The following ARHGAP10 variants were observed in gnomAD, a reference collection of about 807,000 sequenced individuals.
ARHGAP10 encodes the protein Rho GTPase activating protein 10.
In ARHGAP10, 87 loss-of-function variants were observed where a neutral mutation model predicts 108.6. That is an observed-to-expected ratio of 0.80 (90% CI 0.67 to 0.96). ARHGAP10 has a LOEUF of 0.96. Ranked by LOEUF, ARHGAP10 falls within the 40% of genes least tolerant of loss-of-function variation. ARHGAP10 has a pLI of 0.00. For missense variants in ARHGAP10, 939 were observed against 954.5 expected (o/e 0.98, Z 0.21); for synonymous variants, 347 against 341.1 (o/e 1.02, Z -0.19).
chr4:147,925,755 T>C (rs1737438055), intron 13 of ARHGAP10, among the ~76,000 whole-genome samples: 1 of 152,220 alleles, frequency 6.6e-6, no homozygotes, highest in South Asian at 2.1e-4. Flanking sequence ...ACAAGACTCC[T>C]GGATCTTTGA....
chr4:148,068,905 G>C (rs897529564), intron 22 of ARHGAP10, among the ~76,000 whole-genome samples: 1 of 152,168 alleles, frequency 6.6e-6, no homozygotes, highest in Non-Finnish European at 1.5e-5. Context: ...CCTCACACCC[G>C]TCTTGTTCCC....
intron 20 of ARHGAP10, among the ~76,000 whole-genome samples, chr4:148,060,540 G>A (rs569743639): frequency 1.3e-5 from 2 of 152,208 alleles, no homozygotes; most frequent in Admixed American, 6.5e-5. Flanking sequence ...CTCTATCCAA[G>A]CAGCTACTGT....
At chr4:147,758,477 C>T (rs1729466931) in intron 1 of ARHGAP10, among the ~76,000 whole-genome samples, 1 of 152,000 alleles carries the variant, frequency 6.6e-6, no homozygotes, top group Non-Finnish European at 1.5e-5. Flanking sequence ...TATTCATCAC[C>T]CCAGAAAGAA....
At chr4:147,948,695 G>A (rs886447085) in intron 15 of ARHGAP10, among the ~76,000 whole-genome samples, 1 of 151,904 alleles carries the variant, frequency 6.6e-6, no homozygotes. Context: ...GGTGGCTCAC[G>A]CCTGTAATCT....
intron 1 of ARHGAP10, among the ~76,000 whole-genome samples, chr4:147,737,307 T>A (rs1225837938): frequency 6.6e-6 from 1 of 151,092 alleles, no homozygotes; most frequent in Non-Finnish European, 1.5e-5. Context: ...CGCGCCACCA[T>A]GCCCAGCTAA....
intron 18 of ARHGAP10, among the ~76,000 whole-genome samples, chr4:147,989,943 A>T (rs1282227755): frequency 1.3e-5 from 2 of 152,244 alleles, no homozygotes; most frequent in African/African-American, 4.8e-5. Context: ...ATAAGAAATT[A>T]CAAAAGTATT....
chr4:147,900,085 C>G (rs1736174982), intron 10 of ARHGAP10, among the ~76,000 whole-genome samples: 1 of 152,130 alleles, frequency 6.6e-6, no homozygotes, highest in Admixed American at 6.6e-5. Flanking sequence ...TAATCTGTCA[C>G]TTAAAACACA....
intron 4 of ARHGAP10, among the ~76,000 whole-genome samples, chr4:147,848,090 A>AT (rs1733708210): frequency 2.5e-5 from 1 of 39,864 alleles, no homozygotes; most frequent in South Asian, 1.2e-3. Flanking sequence ...TGGGGATGTG[A>AT]GTTTTTTTTT....
chr4:147,972,848 G>A (rs1322287889), intron 18 of ARHGAP10, among the ~76,000 whole-genome samples: 2 of 151,890 alleles, frequency 1.3e-5, no homozygotes, highest in South Asian at 4.2e-4. Context: ...TCTGCCTACC[G>A]GGTCCAAGTG....
intron 1 of ARHGAP10, among the ~76,000 whole-genome samples, chr4:147,741,022 T>G (rs1293126939): frequency 6.6e-6 from 1 of 152,220 alleles, no homozygotes; most frequent in Admixed American, 6.5e-5. Flanking sequence ...ATCCTATACT[T>G]TTTTCCCTCT....
intron 20 of ARHGAP10, among the ~76,000 whole-genome samples, chr4:148,051,201 C>G (rs1729119564): frequency 6.6e-6 from 1 of 152,176 alleles, no homozygotes; most frequent in Admixed American, 6.5e-5. Context: ...TTATTCATTG[C>G]AGTCAATCAA....
intron 3 of ARHGAP10, among the ~76,000 whole-genome samples, chr4:147,835,639 G>A (rs1733141897): frequency 6.6e-6 from 1 of 152,218 alleles, no homozygotes; most frequent in South Asian, 2.1e-4. Flanking sequence ...CTCCCAAAGT[G>A]CTGGGATTAC....
At chr4:148,026,492 T>C (rs1727855770) in intron 19 of ARHGAP10, among the ~76,000 whole-genome samples, 1 of 152,222 alleles carries the variant, frequency 6.6e-6, no homozygotes, top group Non-Finnish European at 1.5e-5. Context: ...TCCATCGGCA[T>C]TGGCGCATCT....
At chr4:147,913,165 A>C in intron 13 of ARHGAP10, 26 bp downstream of exon 13, 1 of 1,595,748 alleles carries the variant, frequency 6.3e-7, no homozygotes, top group South Asian at 1.1e-5. Context: ...CATTTCATTC[A>C]TGAGAGGCTA....
chr4:147,790,172 T>C (rs1731063234), intron 1 of ARHGAP10, among the ~76,000 whole-genome samples: 1 of 151,970 alleles, frequency 6.6e-6, no homozygotes, highest in African/African-American at 2.4e-5. Context: ...CTTCCTGACT[T>C]GCACGCCACC....
At chr4:147,815,458 T>C (rs1379806331) in intron 1 of ARHGAP10, among the ~76,000 whole-genome samples, 1 of 151,952 alleles carries the variant, frequency 6.6e-6, no homozygotes, top group Admixed American at 6.6e-5. Flanking sequence ...GACCCTGAGA[T>C]TATTGGCCGG....
chr4:148,066,742 C>T (rs1169430140), intron 22 of ARHGAP10, among the ~76,000 whole-genome samples: 1 of 152,198 alleles, frequency 6.6e-6, no homozygotes, highest in Non-Finnish European at 1.5e-5. Flanking sequence ...GGGACAGGCT[C>T]CTTTAGGACT....
intron 13 of ARHGAP10, among the ~76,000 whole-genome samples, chr4:147,922,269 T>G (rs1021639715): frequency 6.6e-6 from 1 of 152,108 alleles, no homozygotes; most frequent in Admixed American, 6.5e-5. Flanking sequence ...GCACTCAGAT[T>G]ACTCTGCTGA....
intron 20 of ARHGAP10, among the ~76,000 whole-genome samples, chr4:148,048,632 A>G (rs768561491): frequency 2.8e-4 from 43 of 152,346 alleles, no homozygotes; most frequent in Non-Finnish European, 4.9e-4. Context: ...GCATGTGTGT[A>G]TGTTTTAGTG....
Sources: allele counts gnomAD v4.1 joint callset (sites outside exome capture counted in the v4.1 genomes callset), GRCh38; gene constraint gnomAD v4.1.1; transcripts MANE v1.5; gene names NCBI Gene and HGNC (gene_info 2026-07-23, HGNC 2026-07-21).